Variants in SEM1 observed in about 807,000 individuals in gnomAD.
SEM1 encodes SEM1 26S proteasome subunit, also known as 26S proteasome complex subunit SEM1.
A neutral mutation model predicts 12.7 loss-of-function variants in SEM1; 3 were observed. The ratio of observed to expected loss-of-function variants is 0.24; its 90% CI spans 0.11 to 0.61. The LOEUF is 0.61. SEM1 is among the 20% of genes least tolerant of loss of function. SEM1 has a pLI of 0.88. For missense variants in SEM1, 59 were observed against 81.3 expected, an observed-to-expected ratio of 0.73 and a Z score of 1.06; for synonymous variants, 30 against 27.8, an observed-to-expected ratio of 1.08 and a Z score of -0.25.
chr7:96,505,098 CTATTTATT>C (rs767597007), intron 3 of SEM1, among the ~76,000 whole-genome samples: 2 of 151,416 alleles, frequency 1.3e-5, no homozygotes, highest in Non-Finnish European at 2.9e-5. Context: ...AGTTATCTAT[CTATTTATT>C]TATTTATTTA....
chr7:96,492,161 A>G (rs2117225156), intron 1 of SEM1, among the ~76,000 whole-genome samples: 1 of 152,278 alleles, frequency 6.6e-6, no homozygotes, highest in South Asian at 2.1e-4. Flanking sequence ...TGCAACTGTC[A>G]CCACCATCGT....
intron 2 of SEM1, among the ~76,000 whole-genome samples, chr7:96,536,680 C>T (rs1016869176): frequency 2.0e-5 from 3 of 151,600 alleles, no homozygotes; most frequent in Non-Finnish European, 4.4e-5. Flanking sequence ...CCTCTTTGTC[C>T]CTCATGATCT....
At chr7:96,483,656 G>T in exon 4 of SEM1, 1 of 601,108 alleles carries the variant, frequency 1.7e-6, no homozygotes, top group Non-Finnish European at 3.0e-6. Flanking sequence ...ACTAGAATAT[G>T]TATTAACAAT....
chr7:96,707,959 A>T (rs1245051245), intron 1 of SEM1, among the ~76,000 whole-genome samples: 2 of 152,214 alleles, frequency 1.3e-5, no homozygotes, highest in South Asian at 2.1e-4. Flanking sequence ...GACCTTTCAG[A>T]TCCTGGCTTG....
At chr7:96,662,064 G>A (rs964538497) in intron 2 of SEM1, among the ~76,000 whole-genome samples, 2 of 150,952 alleles carry the variant, frequency 1.3e-5, no homozygotes, top group African/African-American at 4.9e-5. Context: ...ATGCTTTTAC[G>A]CTGTTGCTGG....
chr7:96,541,293 T>C (rs542279255), intron 2 of SEM1, among the ~76,000 whole-genome samples: 180 of 151,932 alleles, frequency 1.2e-3, no homozygotes, highest in Non-Finnish European at 2.0e-3. Flanking sequence ...CTGACTGGTG[T>C]GCAGTGATGT....
chr7:96,649,267 T>C (rs1808893112), intron 2 of SEM1: 1 of 152,162 alleles, frequency 6.6e-6, no homozygotes, highest in South Asian at 2.1e-4. Flanking sequence ...CATAAACCAA[T>C]GTGTTTTACT....
intron 2 of SEM1, among the ~76,000 whole-genome samples, chr7:96,643,122 G>C (rs746237013): frequency 6.6e-6 from 1 of 151,748 alleles, no homozygotes; most frequent in Non-Finnish European, 1.5e-5. Context: ...CCTCCAATAG[G>C]TCCCAGTGTG....
chr7:96,591,700 C>T (rs1176015970), intron 2 of SEM1, among the ~76,000 whole-genome samples: 1 of 152,024 alleles, frequency 6.6e-6, no homozygotes, highest in Non-Finnish European at 1.5e-5. Flanking sequence ...TACATGGGGT[C>T]TTTGTTGGGG....
intron 2 of SEM1, among the ~76,000 whole-genome samples, chr7:96,586,362 A>G (rs1806637317): frequency 6.6e-6 from 1 of 152,174 alleles, no homozygotes; most frequent in Non-Finnish European, 1.5e-5. Context: ...CAAAGAAGAT[A>G]TTGAAAATGT....
chr7:96,508,993 CTTTTT>C (rs11438472), intron 2 of SEM1, among the ~76,000 whole-genome samples: 1 of 142,856 alleles, frequency 7.0e-6, no homozygotes, highest in Non-Finnish European at 1.5e-5. Flanking sequence ...AGAAACACAA[CTTTTT>C]TTTTTTTTTT....
intron 1 of SEM1, among the ~76,000 whole-genome samples, chr7:96,495,933 T>A (rs1380780297): frequency 4.6e-5 from 7 of 152,144 alleles, no homozygotes; most frequent in Middle Eastern, 3.4e-3. Flanking sequence ...CCTACACACA[T>A]ACACCACCTA....
At chr7:96,484,192 G>T (rs902498093) in intron 3 of SEM1, among the ~76,000 whole-genome samples, 3 of 152,122 alleles carry the variant, frequency 2.0e-5, no homozygotes, top group Non-Finnish European at 2.9e-5. Flanking sequence ...GCAATCGCTG[G>T]CAGAATAGGT....
At chr7:96,702,144 A>C (rs2115989121) in intron 1 of SEM1, among the ~76,000 whole-genome samples, 1 of 152,278 alleles carries the variant, frequency 6.6e-6, no homozygotes. Context: ...CAGGTTTCTC[A>C]CTATTGGAGA....
chr7:96,533,514 T>C (rs1294600141), intron 2 of SEM1, among the ~76,000 whole-genome samples: 1 of 152,082 alleles, frequency 6.6e-6, no homozygotes, highest in East Asian at 1.9e-4. Context: ...TGGTTACTTT[T>C]TTCTTAGCTT....
intron 3 of SEM1, among the ~76,000 whole-genome samples, chr7:96,504,568 T>C (rs758230024): frequency 7.9e-5 from 12 of 152,124 alleles, no homozygotes; most frequent in Non-Finnish European, 1.6e-4. Flanking sequence ...TCTTTCCTTA[T>C]TATCTTGAAT....
At chr7:96,492,117 C>A (rs1758316447) in intron 1 of SEM1, among the ~76,000 whole-genome samples, 1 of 152,136 alleles carries the variant, frequency 6.6e-6, no homozygotes, top group Non-Finnish European at 1.5e-5. Context: ...GTTGAGTATA[C>A]ATTTCAGTGG....
At chr7:96,587,285 G>A (rs929751283) in intron 2 of SEM1, among the ~76,000 whole-genome samples, 1 of 151,950 alleles carries the variant, frequency 6.6e-6, no homozygotes, top group African/African-American at 2.4e-5. Flanking sequence ...TTTCTCCATG[G>A]CATCTTTCAT....
At chr7:96,529,291 T>C (rs1339606827) in intron 2 of SEM1, among the ~76,000 whole-genome samples, 1 of 152,120 alleles carries the variant, frequency 6.6e-6, no homozygotes, top group Admixed American at 6.6e-5. Context: ...ATTTATAAAG[T>C]AAACAAAACG....
Sources: gnomAD v4.1 joint callset for allele counts (sites outside exome capture counted in the v4.1 genomes callset) on GRCh38, gnomAD v4.1.1 for gene constraint, MANE v1.5 for transcripts, NCBI Gene and HGNC (gene_info 2026-07-23, HGNC 2026-07-21) for gene names.